GAD1: variants seen among roughly 807,000 people sequenced by gnomAD.
The protein encoded by GAD1 is glutamate decarboxylase 1.
Under a neutral mutation model 75.2 loss-of-function variants are expected in GAD1, and 35 were observed. The ratio of observed to expected loss-of-function variants is 0.47; its 90% CI spans 0.36 to 0.62. The LOEUF is 0.62. Among genes scored for constraint, GAD1 ranks in the 20% least tolerant of loss-of-function variants. The pLI, the probability that GAD1 is intolerant of heterozygous loss-of-function variation, is 0.00. For synonymous variants in GAD1, 257 were observed against 271.9 expected (o/e 0.95, Z 0.54); for missense variants, 490 against 758.5 (o/e 0.65, Z 4.16).
In GAD1 at chr2:170,847,759, A is replaced by G; in HGVS notation, c.1086A>G (p.Ile362Met). ...AFDPIQEIAD[I>M]CEKYNLWLHV... is the part of the protein sequence containing the mutation. ...ATCCGATACAAGAGATTGCAGATATATGTGAGAAATATAACCTTTGGTTGC... is the reference window on the plus strand; with the variant it reads ...ATCCGATACAAGAGATTGCAGATATGTGTGAGAAATATAACCTTTGGTTGC... Residue 362 changes from isoleucine (I) to methionine (M), a missense_variant, in exon 11 of 17, where the codon ATA becomes ATG. Around this residue, in one of 3 missense-constraint regions of GAD1, gnomAD observed 324 missense variants for 523.9 expected, o/e 0.62. Coordinates refer to ENST00000358196, the MANE Select transcript of GAD1 (RefSeq NM_000817.3). 1 of 1,613,966 alleles carries G rather than the reference A, an allele frequency of 6.2e-7. No individual in the cohort carries two copies.
intron 16 of GAD1, 145 bp downstream of exon 16, chr2:170,859,038 C>A: frequency 2.7e-6 from 2 of 751,148 alleles, no homozygotes; most frequent in Non-Finnish European, 4.7e-6. Context: ...TGGTGGGGAG[C>A]CATCCTGTTA....
At chr2:170,857,851 G>A (rs1472785351) in intron 15 of GAD1, among the ~76,000 whole-genome samples, 1 of 152,130 alleles carries the variant, frequency 6.6e-6, no homozygotes, top group Non-Finnish European at 1.5e-5. Flanking sequence ...CTAGATTCTA[G>A]AGTATTGAAC....
Position 170,834,598 on chromosome 2 carries a change from T to C in GAD1, c.548-2195T>C, listed in dbSNP as rs140069538. 5.2e-3 allele frequency among the ~76,000 whole-genome samples: 788 copies of C among 152,296 alleles called. 5 individuals are homozygous for C. Among genetic ancestry groups the C allele is most frequent in the African/African-American group, 0.017 (709 of 41,566 alleles). ...TTGTTCTTTTTAAAACTTTTTCTTA[T>C]GGAAAATTTTAAACTTATACAAAAG... On this transcript the variant is annotated intron_variant, in intron 5 of 16. Transcript: ENST00000358196.
intron 3 of GAD1, among the ~76,000 whole-genome samples, chr2:170,824,506 G>A (rs924707778): frequency 6.6e-6 from 1 of 152,014 alleles, no homozygotes; most frequent in African/African-American, 2.4e-5. Context: ...TTCACATTAA[G>A]AGAGCAGAGG....
upstream of GAD1, chr2:170,816,309 A>G (rs45525833): frequency 6.6e-6 from 1 of 152,368 alleles, no homozygotes; most frequent in Admixed American, 6.5e-5. Context: ...TAATTCCTCC[A>G]TGGTCTAAGA....
At chr2:170,831,818 T>TTA (rs1351862258) in intron 5 of GAD1, among the ~76,000 whole-genome samples, 3 of 146,286 alleles carry the variant, frequency 2.1e-5, no homozygotes, top group African/African-American at 7.5e-5. Flanking sequence ...TATATAATAT[T>TTA]TATATATATA....
At chr2:170,843,930 G>A in intron 6 of GAD1, 115 bp from the exon 7 acceptor site, 1 of 705,908 alleles carries the variant, frequency 1.4e-6, no homozygotes, top group Non-Finnish European at 2.6e-6. Context: ...TTAGTGGTTT[G>A]GAACAGCTTT....
Position 170,859,957 on chromosome 2 carries a change from C to T in GAD1, c.*75C>T, listed in dbSNP as rs1702927484. 2 of 1,326,936 alleles carry T rather than the reference C, an allele frequency of 1.5e-6. No individual in the cohort carries two copies. The highest frequency in any genetic ancestry group is 1.2e-5 in the South Asian group (1 of 81,050). The allele number at this position is 1,326,936 out of a possible 1,614,324, so 82.2% of individuals were successfully genotyped here. A position where few individuals can be genotyped will look rare whatever the true frequency, so the allele number is the denominator to read the frequency against. On this transcript the variant is annotated 3_prime_UTR_variant, in exon 17 of 17. Transcript: ENST00000358196. ...CTCCAGAACAAACCTCTATATGTTGCTGAAACACACAGGCCATTTCATTGA... is the reference window on the plus strand; with the variant it reads ...CTCCAGAACAAACCTCTATATGTTGTTGAAACACACAGGCCATTTCATTGA...
intron 15 of GAD1, among the ~76,000 whole-genome samples, chr2:170,857,568 A>G (rs1023848039): frequency 1.3e-5 from 2 of 152,210 alleles, no homozygotes; most frequent in Admixed American, 1.3e-4. Flanking sequence ...CAACATAGCA[A>G]GACCCTGTCT....
chr2:170,832,662 G>GCACACACACACACACACACACA (rs1275912956), intron 5 of GAD1, among the ~76,000 whole-genome samples: 4 of 128,458 alleles, frequency 3.1e-5, no homozygotes, highest in Non-Finnish European at 6.6e-5. Flanking sequence ...GCGCGCGCGC[G>GCACACACACACACACACACACA]CGCACACACA....
In GAD1 at chr2:170,853,844, A is replaced by C. The variant is rs755051887; in HGVS notation, c.1264-29A>C. The C allele has an allele frequency of 3.7e-6, 6 of 1,613,342 alleles. No homozygotes were observed. The highest frequency in any genetic ancestry group is 4.2e-6 in the Non-Finnish European group (5 of 1,179,332). ...ACCCACATCTCTGATGTGTAAATGC[A>C]GATGCACCCATCTTAATTTCCATGA... On this transcript the variant is annotated intron_variant, in intron 13 of 16. Coordinates refer to ENST00000358196, the MANE Select transcript of GAD1 (RefSeq NM_000817.3). This position sits in a 1 kb window ranked among gnomAD's most constrained non-coding sequence, Gnocchi z 4.1.
At chr2:170,819,353 G>C (rs1388581840) in intron 2 of GAD1, among the ~76,000 whole-genome samples, 2 of 151,988 alleles carry the variant, frequency 1.3e-5, no homozygotes, top group East Asian at 1.9e-4. Context: ...AAGAGATGGG[G>C]AACTGGGAGG....
chr2:170,835,952 G>C (rs938663175), intron 5 of GAD1, among the ~76,000 whole-genome samples: 1 of 152,080 alleles, frequency 6.6e-6, no homozygotes, highest in African/African-American at 2.4e-5. Context: ...GTATTATTTT[G>C]TGAGGGCTCT....
At position 170,853,805 on chromosome 2, in the gene GAD1, C is replaced by T; in HGVS notation, c.1264-68C>T. The T allele has an allele frequency of 1.3e-6, 2 of 1,551,402 alleles. No homozygotes were observed. Among genetic ancestry groups the T allele is most frequent in the East Asian group, 4.5e-5 (2 of 44,534 alleles). On this transcript the variant is annotated intron_variant, in intron 13 of 16. Coordinates refer to ENST00000358196, the MANE Select transcript of GAD1 (RefSeq NM_000817.3). This position sits in a 1 kb window ranked among gnomAD's most constrained non-coding sequence, Gnocchi z 4.1. ...CCCCAAGCCCCTCCTTCCAAGCAGC[C>T]TAGTTTTAAAGCCACCCACATCTCT...
At chr2:170,839,468 G>A (rs1702452574) in intron 6 of GAD1, among the ~76,000 whole-genome samples, 2 of 152,074 alleles carry the variant, frequency 1.3e-5, no homozygotes, top group Non-Finnish European at 1.5e-5. Flanking sequence ...ACAAAAATGA[G>A]CCGGGTGTGG....
chr2:170,856,185 T>C lies in GAD1; in HGVS notation c.1414-833T>C, dbSNP rs1278395643. On this transcript the variant is annotated intron_variant, in intron 14 of 16. Coordinates refer to ENST00000358196, the MANE Select transcript of GAD1 (RefSeq NM_000817.3). ...CCCATTAGCAATCCACAGCCAGCCT[T>C]GTGCATCTGCTCTCCTTGTTAACAC... 3.3e-5 allele frequency among the ~76,000 whole-genome samples: 5 copies of C among 152,182 alleles called. No homozygotes were observed. In the East Asian group the frequency reaches 5.8e-4, roughly 18 times the overall value.
At chr2:170,825,289 T>C (rs904226976) in intron 3 of GAD1, among the ~76,000 whole-genome samples, 4 of 152,108 alleles carry the variant, frequency 2.6e-5, no homozygotes, top group African/African-American at 9.7e-5. Context: ...CTCAGGAGGA[T>C]GAGGCAGGAG....
At chr2:170,843,788 A>G in intron 6 of GAD1, 1 of 484,304 alleles carries the variant, frequency 2.1e-6, no homozygotes, top group Non-Finnish European at 3.7e-6. Context: ...AAGACATTCC[A>G]TTCAGATAAG....
Position 170,830,702 on chromosome 2 carries a change from T to C in GAD1, c.305-248T>C, listed in dbSNP as rs1322204786. On this transcript the variant is annotated intron_variant, in intron 4 of 16. Coordinates refer to ENST00000358196, the MANE Select transcript of GAD1 (RefSeq NM_000817.3). ...CCGCAGTCGCAGGTTGTTCACGGCG[T>C]CTCAGAGCACTTCATTCCATGTCTG... Among the ~76,000 whole-genome samples the C allele has an allele frequency of 2.0e-5, 3 of 152,196 alleles. No individual in the cohort carries two copies. In the East Asian group the frequency reaches 5.8e-4, roughly 29 times the overall value.
Sources: gnomAD v4.1 joint callset for allele counts (sites outside exome capture counted in the v4.1 genomes callset) on GRCh38, gnomAD v4.1.1 for gene constraint, gnomAD v4.1.1 regional missense constraint, Gnocchi (gnomAD v3.1) non-coding constraint, MANE v1.5 for transcripts, NCBI Gene and HGNC (gene_info 2026-07-23, HGNC 2026-07-21) for gene names.